The following MIA2 variants were observed in gnomAD, a reference collection of about 807,000 sequenced individuals.
The protein encoded by MIA2 is melanoma inhibitory activity protein 2.
Under a neutral mutation model 167.8 loss-of-function variants are expected in MIA2, and 127 were observed. The observed-to-expected ratio is 0.76, with a 90% CI of 0.66 to 0.88. The LOEUF is 0.88. Among genes scored for constraint, MIA2 ranks in the 40% least tolerant of loss-of-function variants. The pLI is 0.00. For missense variants in MIA2, 1,690 were observed against 1,624.7 expected (o/e 1.04, Z -0.69); for synonymous variants, 552 against 541.9 (o/e 1.02, Z -0.26).
chr14:39,372,388 A>G lies in MIA2; in HGVS notation c.2249-14497A>G, dbSNP rs555290962. Among the ~76,000 whole-genome samples, 6 of 152,330 alleles carry G rather than the reference A, an allele frequency of 3.9e-5. No homozygotes were observed. In the East Asian group the frequency reaches 5.8e-4, roughly 15 times the overall value. On this transcript the variant is annotated intron_variant, in intron 23 of 23. Coordinates refer to the MIA2 transcript ENST00000341502. ...GAAGTTGTTCTTACATCAAAGATCT[A>G]TGAGTTATAAGTGAGTAGAGCATAA...
At position 39,294,933 on chromosome 14, in the gene MIA2, G is replaced by A. The variant is rs142653668; in HGVS notation, c.2400G>A (p.Met800Ile). 3.0e-5 allele frequency: 48 copies of A among 1,610,414 alleles called. No individual in the cohort carries two copies. The African/African-American group carries it at 6.1e-4, about 21-fold the overall frequency. ...SLKSQVAEAK[M>I]TFKIFQMNEE... The stretch of plus-strand genomic sequence containing the variant: ...TTTTTTGTTTCACTTAGGCCAAAAT[G>A]ACCTTCAAGATATTTCAAATGAATG... Residue 800 changes from methionine (M) to isoleucine (I), a missense_variant, in exon 13 of 29, where the codon ATG becomes ATA. Met to Ile is a conservative substitution (Grantham distance 10, BLOSUM62 1). Coordinates refer to ENST00000640607, the MANE Select transcript of MIA2 (RefSeq NM_001329214.4).
At chr14:39,285,377 G>C (rs1301778956) in intron 9 of MIA2, among the ~76,000 whole-genome samples, 1 of 151,092 alleles carries the variant, frequency 6.6e-6, no homozygotes, top group Non-Finnish European at 1.5e-5. Flanking sequence ...GCCGGGCGGG[G>C]GCTGCCCCCC....
chr14:39,364,226 C>T (rs763584007), intron 23 of MIA2, among the ~76,000 whole-genome samples: 28 of 152,010 alleles, frequency 1.8e-4, no homozygotes, highest in Middle Eastern at 3.4e-3. Flanking sequence ...GGTGTGGTGG[C>T]GCGCGCCTGT....
chr14:39,381,667 G>GTTT (rs398057014), intron 23 of MIA2, among the ~76,000 whole-genome samples: 39,423 of 145,050 alleles, frequency 0.27, 5,385 homozygotes, highest in East Asian at 0.5. Flanking sequence ...TTTGCTGGCT[G>GTTT]TTTTTTTTTT....
chr14:39,256,915 T>C (rs1160278086), intron 6 of MIA2, among the ~76,000 whole-genome samples: 2 of 151,992 alleles, frequency 1.3e-5, no homozygotes, highest in East Asian at 1.9e-4. Flanking sequence ...GGTAATCAAG[T>C]TGGTTTTGAG....
downstream of MIA2, among the ~76,000 whole-genome samples, chr14:39,353,202 C>A (rs531221969): frequency 2.6e-4 from 39 of 152,284 alleles, no homozygotes; most frequent in East Asian, 6.9e-3. Context: ...ATTATCATTT[C>A]AAGTCCTCTT....
intron 2 of MIA2, among the ~76,000 whole-genome samples, chr14:39,238,793 C>CAAAAAAAAAAAAAAAAAAA (rs769534317): frequency 5.2e-4 from 16 of 30,808 alleles, no homozygotes; most frequent in Non-Finnish European, 7.0e-4. Context: ...GACCCTGTCT[C>CAAAAAAAAAAAAAAAAAAA]AAAAAAAAAA....
intron 6 of MIA2, chr14:39,269,086 T>TTTTTTTTG (rs2056629392): frequency 1.0e-6 from 1 of 959,554 alleles, no homozygotes; most frequent in Non-Finnish European, 1.2e-6. Context: ...TTTTTTTTTT[T>TTTTTTTTG]TTTTTTTTTT....
At chr14:39,267,609 A>G in intron 6 of MIA2, 2 of 1,502,722 alleles carry the variant, frequency 1.3e-6, no homozygotes, top group East Asian at 4.7e-5. Context: ...TTTGGGGTCT[A>G]AGCCGCCGTG....
chr14:39,353,788 C>T (rs957013642), downstream of MIA2, among the ~76,000 whole-genome samples: 3 of 152,108 alleles, frequency 2.0e-5, no homozygotes, highest in Non-Finnish European at 4.4e-5. Context: ...TTGTTCAATT[C>T]CCACCTATGA....
chr14:39,340,158 C>A (rs532962641), intron 25 of MIA2, among the ~76,000 whole-genome samples: 1 of 152,222 alleles, frequency 6.6e-6, no homozygotes, highest in South Asian at 2.1e-4. Flanking sequence ...CCCTTTTGAG[C>A]TTTAGTATTC....
intron 14 of MIA2, 81 bp from the exon 15 acceptor site, chr14:39,302,048 T>C: frequency 1.4e-6 from 2 of 1,462,622 alleles, no homozygotes; most frequent in Non-Finnish European, 1.8e-6. Context: ...ATTTTTAAAC[T>C]ATAACTGTAC....
At chr14:39,267,114 C>T (rs757794583) in intron 6 of MIA2, 48 of 1,128,582 alleles carry the variant, frequency 4.3e-5, no homozygotes, top group East Asian at 6.3e-5. Context: ...GGGAAGTTTG[C>T]GGCTGTCCGC....
At chr14:39,359,254 G>A (rs2074615943) in intron 23 of MIA2, among the ~76,000 whole-genome samples, 1 of 152,194 alleles carries the variant, frequency 6.6e-6, no homozygotes, top group Admixed American at 6.5e-5. Flanking sequence ...AGCAATGGCG[G>A]GCACCCCTCC....
chr14:39,257,836 C>G (rs1219967745), intron 6 of MIA2, among the ~76,000 whole-genome samples: 1 of 152,160 alleles, frequency 6.6e-6, no homozygotes, highest in African/African-American at 2.4e-5. Flanking sequence ...TTCTCCTTCA[C>G]TTTTGAAGCT....
intron 25 of MIA2, among the ~76,000 whole-genome samples, chr14:39,344,448 G>C (rs2072749125): frequency 6.6e-6 from 1 of 152,160 alleles, no homozygotes; most frequent in Admixed American, 6.6e-5. Flanking sequence ...TCCTCCCTAG[G>C]ATTTTGAAAG....
Position 39,347,775 on chromosome 14 carries a change from A to C in MIA2, c.3837+4A>C. ...TGATACCAAAGATGATCTTGGTGTAAGTATTGAAAGAGTGGAATTGTATGC... is the reference window on the plus strand; with the variant it reads ...TGATACCAAAGATGATCTTGGTGTACGTATTGAAAGAGTGGAATTGTATGC... On this transcript the variant is annotated splice_donor_region_variant and intron_variant, in intron 27 of 28. Coordinates refer to ENST00000640607, the MANE Select transcript of MIA2 (RefSeq NM_001329214.4). The C allele has an allele frequency of 6.3e-7, 1 of 1,599,814 alleles. No individual in the cohort carries two copies. The highest frequency in any genetic ancestry group is 1.1e-5 in the South Asian group (1 of 90,760).
downstream of MIA2, among the ~76,000 whole-genome samples, chr14:39,353,095 G>A (rs2074432420): frequency 6.6e-6 from 1 of 152,132 alleles, no homozygotes; most frequent in Non-Finnish European, 1.5e-5. Context: ...TATTAGTGAG[G>A]TACATGTGAG....
chr14:39,335,542 A>T (rs2070167312), intron 25 of MIA2, among the ~76,000 whole-genome samples: 1 of 152,208 alleles, frequency 6.6e-6, no homozygotes, highest in South Asian at 2.1e-4. Flanking sequence ...GTCAGAAAAA[A>T]CTGCTCTAAC....
Sources: allele counts gnomAD v4.1 joint callset (sites outside exome capture counted in the v4.1 genomes callset), GRCh38; gene constraint gnomAD v4.1.1; transcripts MANE v1.5; gene names NCBI Gene and HGNC (gene_info 2026-07-23, HGNC 2026-07-21).